Variants in BORCS7 observed in about 807,000 individuals in gnomAD.
BORCS7 encodes BLOC-1-related complex subunit 7.
A neutral mutation model predicts 17.5 loss-of-function variants in BORCS7; 20 were observed. The ratio of observed to expected loss-of-function variants is 1.14; its 90% confidence interval spans 0.80 to 1.66. The LOEUF (loss-of-function observed/expected upper bound fraction) is 1.66, where lower values mean the gene tolerates loss of function less well. Ranked by LOEUF, BORCS7 falls within the 40% of genes most tolerant of loss-of-function variation. BORCS7 has a pLI of 0.00. For synonymous variants in BORCS7, 57 were observed against 49.8 expected, an observed-to-expected ratio of 1.14 and a Z score of -0.61; for missense variants, 122 against 129.7, an observed-to-expected ratio of 0.94 and a Z score of 0.29.
chr10:102,858,232 G>C (rs931176287), intron 1 of BORCS7, among the ~76,000 whole-genome samples: 7 of 150,716 alleles, frequency 4.6e-5, no homozygotes, highest in Admixed American at 6.6e-5. Flanking sequence ...GAGAGAGCAA[G>C]GTGTAAACAA....
chr10:102,857,829 T>C (rs1467550986), intron 1 of BORCS7, among the ~76,000 whole-genome samples: 2 of 152,114 alleles, frequency 1.3e-5, no homozygotes, highest in Admixed American at 1.3e-4. Flanking sequence ...CAATATGTAT[T>C]GCTGCAGATA....
chr10:102,861,144 G>T (rs1372631027), intron 3 of BORCS7, among the ~76,000 whole-genome samples: 1 of 152,182 alleles, frequency 6.6e-6, no homozygotes, highest in Non-Finnish European at 1.5e-5. Context: ...GCTGGGCATG[G>T]TGGCTCACAC....
At position 102,863,158 on chromosome 10, in the gene BORCS7, A is replaced by G; in HGVS notation, c.*234A>G. 1 of 344,194 alleles carries G rather than the reference A, an allele frequency of 2.9e-6. No homozygotes were observed. 21.3% of individuals were successfully genotyped at this position (344,194 alleles called of 1,614,324 possible). ...AGACCAGCCTGGCCAAGATGGTGAA[A>G]CCCCGTCTCTACTAAAAATACAAAG... On this transcript the variant is annotated 3_prime_UTR_variant, in exon 5 of 5. Coordinates refer to ENST00000339834, the MANE Select transcript of BORCS7 (RefSeq NM_001136200.2).
At position 102,860,510 on chromosome 10, in the gene BORCS7, A is replaced by T; in HGVS notation, c.217A>T (p.Met73Leu). Residue 73 changes from methionine (M) to leucine (L), a missense_variant, in exon 3 of 5, where the codon ATG becomes TTG. Physicochemically the swap from Met to Leu is conservative, Grantham distance 15 (BLOSUM62 2). Transcript: ENST00000339834. ...CTTTTTTATGCAGAGTTTAAGGAAG[A>T]TGGCAATAATAACAACACATCTTCA... ...ILHSEDSLRKMAIITTHLQYQ... is the reference protein window; with the variant it reads ...ILHSEDSLRKLAIITTHLQYQ... 2 of 1,613,342 alleles carry T rather than the reference A, an allele frequency of 1.2e-6. No homozygotes were observed. The highest frequency in any genetic ancestry group is 2.2e-5 in the South Asian group (2 of 91,070).
rs972487756 is a variant in BORCS7 at position 102,854,298 on chromosome 10, T to C, written c.12T>C (p.Thr4=). MMA[T]GTPESQARFG... ...GTTCGCTAACTGAAATGATGGCGACTGGAACGCCAGAGTCTCAAGCGCGGT... is the reference window on the plus strand; with the variant it reads ...GTTCGCTAACTGAAATGATGGCGACCGGAACGCCAGAGTCTCAAGCGCGGT... The change falls in exon 1 of 5, where the codon ACT becomes ACC. Residue 4 remains threonine (T), a synonymous_variant. Transcript: ENST00000339834. 2.5e-6 allele frequency: 4 copies of C among 1,605,906 alleles called. No homozygotes were observed. Among genetic ancestry groups the C allele is most frequent in the Non-Finnish European group, 2.6e-6 (3 of 1,176,390 alleles).
At chr10:102,861,102 A>T (rs1386688430) in intron 3 of BORCS7, among the ~76,000 whole-genome samples, 5 of 152,144 alleles carry the variant, frequency 3.3e-5, no homozygotes, top group African/African-American at 1.2e-4. Context: ...TTGATATTAT[A>T]CTTATGTACC....
At chr10:102,857,465 A>T (rs1471938039) in intron 1 of BORCS7, among the ~76,000 whole-genome samples, 1 of 152,170 alleles carries the variant, frequency 6.6e-6, no homozygotes, top group African/African-American at 2.4e-5. Flanking sequence ...GTACTCTCAT[A>T]ATTGTTGGTG....
At chr10:102,862,083 C>CT in intron 3 of BORCS7, 77 bp from the exon 4 acceptor site, 2 of 1,376,760 alleles carry the variant, frequency 1.5e-6, no homozygotes, top group Non-Finnish European at 2.1e-6. Flanking sequence ...TTTCTTCTGC[C>CT]TATATGTATT....
In BORCS7 at chr10:102,864,070, A is replaced by G. The variant is rs1844560109; in HGVS notation, c.*1146A>G. ...GACATTACCATGAGTCTGTTGTCAA[A>G]CCTAAATATCTTTGTTTGAATTTAA... On this transcript the variant is annotated 3_prime_UTR_variant, in exon 5 of 5. Coordinates refer to ENST00000339834, the MANE Select transcript of BORCS7 (RefSeq NM_001136200.2). 6.6e-6 allele frequency: 1 copy of G among 152,206 alleles called. No individual in the cohort carries two copies. Among genetic ancestry groups the G allele is most frequent in the African/African-American group, 2.4e-5 (1 of 41,456 alleles). The allele number at this position is 152,206 out of a possible 1,614,324, so 9.4% of individuals were successfully genotyped here. A position where few individuals can be genotyped will look rare whatever the true frequency, so the allele number is the denominator to read the frequency against.
chr10:102,862,313 T>C, intron 4 of BORCS7, 133 bp downstream of exon 4: 1 of 800,016 alleles, frequency 1.2e-6, no homozygotes, highest in Non-Finnish European at 2.0e-6. Context: ...TCTGGGATAC[T>C]CACTTGGGAT....
At chr10:102,858,898 C>T (rs553583848) in intron 1 of BORCS7, among the ~76,000 whole-genome samples, 9 of 151,982 alleles carry the variant, frequency 5.9e-5, no homozygotes, top group East Asian at 3.9e-4. Flanking sequence ...AGGGAAGGGC[C>T]GGTAGGATAC....
chr10:102,856,160 G>T (rs534326522), intron 1 of BORCS7, among the ~76,000 whole-genome samples: 12 of 152,300 alleles, frequency 7.9e-5, no homozygotes, highest in African/African-American at 2.9e-4. Context: ...CATAATGAGT[G>T]GTTATGACTC....
chr10:102,864,274 A>G lies in BORCS7; in HGVS notation c.*1350A>G, dbSNP rs80142826. 1 of 152,342 alleles carries G rather than the reference A, an allele frequency of 6.6e-6. No individual in the cohort carries two copies. The highest frequency in any genetic ancestry group is 2.4e-5 in the African/African-American group (1 of 41,592). The allele number at this position is 152,342 out of a possible 1,614,324, so 9.4% of individuals were successfully genotyped here. ...AACTAAGCATTATCAGATTACGTTT[A>G]TTTCTCATACATATGGATATTAACT... On this transcript the variant is annotated 3_prime_UTR_variant, in exon 5 of 5. Coordinates refer to ENST00000339834, the MANE Select transcript of BORCS7 (RefSeq NM_001136200.2).
intron 1 of BORCS7, among the ~76,000 whole-genome samples, chr10:102,855,759 T>A (rs1844416598): frequency 6.6e-6 from 1 of 152,114 alleles, no homozygotes; most frequent in Non-Finnish European, 1.5e-5. Context: ...TTTGTTTGTT[T>A]GTTTGTTTTG....
intron 1 of BORCS7, among the ~76,000 whole-genome samples, chr10:102,856,195 C>G (rs985658612): frequency 6.6e-6 from 1 of 152,130 alleles, no homozygotes; most frequent in Non-Finnish European, 1.5e-5. Context: ...TGCATGCCTG[C>G]GCTTCTCCTC....
chr10:102,854,530 G>A, intron 1 of BORCS7, 103 bp downstream of exon 1: 1 of 1,372,550 alleles, frequency 7.3e-7, no homozygotes, highest in Non-Finnish European at 9.8e-7. Context: ...TGTAGGCTGT[G>A]AAGTACTTGC....
chr10:102,855,967 GGC>G (rs1035195643), intron 1 of BORCS7, among the ~76,000 whole-genome samples: 2 of 152,108 alleles, frequency 1.3e-5, no homozygotes, highest in Non-Finnish European at 2.9e-5. Context: ...TCACCATGTT[GGC>G]CAGGCTGGTC....
intron 1 of BORCS7, among the ~76,000 whole-genome samples, chr10:102,856,742 A>G (rs1235617841): frequency 4.6e-5 from 7 of 152,212 alleles, no homozygotes; most frequent in African/African-American, 1.7e-4. Context: ...ATGGTATGTT[A>G]TGTGTCTGGT....
intron 3 of BORCS7, chr10:102,860,834 C>A: frequency 1.9e-6 from 1 of 517,064 alleles, no homozygotes; most frequent in South Asian, 2.4e-5. Flanking sequence ...CAGGACCATG[C>A]TAGCACTGTA....
Sources: gnomAD v4.1 joint callset for allele counts (sites outside exome capture counted in the v4.1 genomes callset) on GRCh38, gnomAD v4.1.1 for gene constraint, MANE v1.5 for transcripts, NCBI Gene and HGNC (gene_info 2026-07-23, HGNC 2026-07-21) for gene names.